Variants in RHOT1 observed in about 807,000 individuals in gnomAD.
RHOT1 encodes mitochondrial Rho GTPase 1.
A neutral mutation model predicts 95.3 loss-of-function variants in RHOT1; 27 were observed. The observed-to-expected ratio is 0.28, with a 90% CI of 0.21 to 0.39. The LOEUF (loss-of-function observed/expected upper bound fraction) is 0.39, where lower values mean the gene tolerates loss of function less well. Among genes scored for constraint, RHOT1 ranks in the 10% least tolerant of loss-of-function variants. RHOT1 has a pLI of 1.00. For missense variants in RHOT1, 578 were observed against 786.7 expected (o/e 0.73, Z 3.17); for synonymous variants, 227 against 263.5 (o/e 0.86, Z 1.34).
chr17:32,222,936 T>C (rs1404182555), intron 19 of RHOT1: 35 of 955,652 alleles, frequency 3.7e-5, no homozygotes, highest in Non-Finnish European at 4.4e-5. Context: ...TCGTTGGAGT[T>C]TTTCCAGCTT....
chr17:32,184,759 C>T (rs545984417), intron 8 of RHOT1, among the ~76,000 whole-genome samples: 1 of 152,204 alleles, frequency 6.6e-6, no homozygotes, highest in African/African-American at 2.4e-5. Context: ...CCACCTCTGC[C>T]TCCAAGAGTG....
chr17:32,208,507 C>T (rs2037911640), intron 18 of RHOT1, 198 bp downstream of exon 18: 2 of 572,306 alleles, frequency 3.5e-6, no homozygotes, highest in South Asian at 2.0e-5. Context: ...GTGCTTCTGA[C>T]AATATCTGTA....
chr17:32,189,736 CTTTTTTTT>C (rs71362807), intron 8 of RHOT1, among the ~76,000 whole-genome samples: 1 of 124,396 alleles, frequency 8.0e-6, no homozygotes, highest in Non-Finnish European at 1.7e-5. Context: ...CTTTTCTTTT[CTTTTTTTT>C]TTTTTTTTTT....
intron 6 of RHOT1, among the ~76,000 whole-genome samples, chr17:32,177,260 G>A (rs73286142): frequency 0.011 from 1,704 of 152,150 alleles, 33 homozygotes; most frequent in African/African-American, 0.038. Context: ...CTTGTTCCTC[G>A]GATACACTTA....
At chr17:32,207,254 C>T in intron 17 of RHOT1, 1 of 401,936 alleles carries the variant, frequency 2.5e-6, no homozygotes, top group Non-Finnish European at 4.4e-6. Flanking sequence ...GAGGTGCATT[C>T]CTGATTGAGA....
chr17:32,176,586 ATTTT>A lies in RHOT1; in HGVS notation c.329+374_329+377del, dbSNP rs1266054695. On this transcript the variant is annotated intron_variant, in intron 6 of 19. Coordinates refer to ENST00000545287, the MANE Select transcript of RHOT1 (RefSeq NM_001033566.3). ...TATTTATTTATTTATTTATTTATTT[ATTTT>A]GAGACAGAGTCTTGCTCTGTCGCCC... is the stretch of plus-strand genomic sequence containing the variant. Among the ~76,000 whole-genome samples, 1,095 of 140,980 alleles carry A rather than the reference ATTTT, an allele frequency of 7.8e-3. 11 individuals carry two copies. The highest frequency in any genetic ancestry group is 0.029 in the African/African-American group (1,025 of 35,720). The allele number at this position is 140,980 out of a possible 152,430, so 92.5% of individuals were successfully genotyped here.
chr17:32,151,356 GA>G, intron 1 of RHOT1: 2 of 614,846 alleles, frequency 3.3e-6, no homozygotes, highest in Non-Finnish European at 6.2e-6. Flanking sequence ...AGGCTGCAGT[GA>G]GCCAAGACTG....
intron 19 of RHOT1, among the ~76,000 whole-genome samples, chr17:32,223,190 G>C (rs1191276446): frequency 1.3e-5 from 2 of 151,638 alleles, no homozygotes; most frequent in Admixed American, 1.3e-4. Context: ...TGTTTCTAGG[G>C]ATGTACAGAC....
chr17:32,185,984 A>G (rs992906407), intron 8 of RHOT1, among the ~76,000 whole-genome samples: 11 of 152,008 alleles, frequency 7.2e-5, no homozygotes, highest in African/African-American at 2.4e-4. Context: ...AGCCTCTCAG[A>G]GTGCTGGCAT....
chr17:32,190,691 A>G (rs1043513062), intron 8 of RHOT1, among the ~76,000 whole-genome samples: 1 of 152,226 alleles, frequency 6.6e-6, no homozygotes, highest in Admixed American at 6.5e-5. Context: ...ACAGGATCAC[A>G]TTTATAGAAG....
At chr17:32,202,190 G>A (rs559460344) in intron 14 of RHOT1, among the ~76,000 whole-genome samples, 3 of 152,240 alleles carry the variant, frequency 2.0e-5, no homozygotes, top group South Asian at 2.1e-4. Context: ...GATTACACGC[G>A]TGAGCCACTG....
At chr17:32,160,178 G>C (rs1341153910) in intron 1 of RHOT1, 1 of 152,196 alleles carries the variant, frequency 6.6e-6, no homozygotes, top group Non-Finnish European at 1.5e-5. Context: ...GGGATGACCT[G>C]CCTGCAGAGA....
At position 32,206,959 on chromosome 17, in the gene RHOT1, G is replaced by T. The variant is rs564425799; in HGVS notation, c.1466G>T (p.Cys489Phe). The T allele has an allele frequency of 6.2e-7, 1 of 1,609,210 alleles. No homozygotes were observed. Among genetic ancestry groups the T allele is most frequent in the East Asian group, 2.2e-5 (1 of 44,794 alleles). Residue 489 changes from cysteine to phenylalanine, a missense_variant, in exon 17 of 20, where the codon TGT becomes TTT. Physicochemically the swap from Cys to Phe is radical, Grantham distance 205. Coordinates refer to ENST00000545287, the MANE Select transcript of RHOT1 (RefSeq NM_001033566.3). ...TTTCTAACTGAAGCTGAAATCATTT[G>T]TGATGTTGTATGCCTGGTATATGAT... Reference protein sequence around the residue: ...SEFLTEAEIICDVVCLVYDVS... With the variant: ...SEFLTEAEIIFDVVCLVYDVS...
At position 32,225,311 on chromosome 17, in the gene RHOT1, T is replaced by G. The variant is rs2039066721; in HGVS notation, c.*578T>G. 6.5e-6 allele frequency: 1 copy of G among 152,702 alleles called. No homozygotes were observed. The highest frequency in any genetic ancestry group is 6.5e-5 in the Admixed American group (1 of 15,282). 9.5% of individuals were successfully genotyped at this position (152,702 alleles called of 1,614,324 possible). ...AGCCATCGCACAGTCTAGAAACTTG[T>G]GTAGCTGAGTGTGCAGCTCACCTTT... On this transcript the variant is annotated 3_prime_UTR_variant, in exon 20 of 20. Coordinates refer to ENST00000545287, the MANE Select transcript of RHOT1 (RefSeq NM_001033566.3).
At position 32,192,192 on chromosome 17, in the gene RHOT1, G is replaced by T; in HGVS notation, c.541-9G>T. 7.9e-7 allele frequency: 1 copy of T among 1,263,070 alleles called. No individual in the cohort carries two copies. Among genetic ancestry groups the T allele is most frequent in the South Asian group, 1.3e-5 (1 of 75,884 alleles). The allele number at this position is 1,263,070 out of a possible 1,614,324, so 78.2% of individuals were successfully genotyped here. A position where few individuals can be genotyped will look rare whatever the true frequency, so the allele number is the denominator to read the frequency against. ...TTAAACAATTATTTCTTTTCTCAAT[G>T]ATTTATAGATGAAACCAGCTTGTAT... On this transcript the variant is annotated splice_polypyrimidine_tract_variant and intron_variant, in intron 8 of 19. Coordinates refer to ENST00000545287, the MANE Select transcript of RHOT1 (RefSeq NM_001033566.3).
At chr17:32,189,736 CTT>C (rs71362807) in intron 8 of RHOT1, among the ~76,000 whole-genome samples, 10 of 124,362 alleles carry the variant, frequency 8.0e-5, no homozygotes, top group East Asian at 2.2e-4. Flanking sequence ...CTTTTCTTTT[CTT>C]TTTTTTTTTT....
intron 8 of RHOT1, 65 bp from the exon 9 acceptor site, chr17:32,192,136 T>A (rs2036532355): frequency 6.1e-6 from 5 of 817,698 alleles, no homozygotes; most frequent in Non-Finnish European, 1.0e-5. Flanking sequence ...TAATCAGAAT[T>A]ATTCTCAGCA....
rs769483012 is a variant in RHOT1, at chr17:32,182,717, C to A, written c.330-40C>A. On this transcript the variant is annotated intron_variant, in intron 6 of 19. Coordinates refer to ENST00000545287, the MANE Select transcript of RHOT1 (RefSeq NM_001033566.3). ...ATAAATTAAAATATAAATTTAATGT[C>A]TTTTGCCTTCCTTATTACAATGTGC... 3 of 1,154,570 alleles carry A rather than the reference C, an allele frequency of 2.6e-6. No individual in the cohort carries two copies. In the South Asian group the frequency reaches 4.2e-5, roughly 16 times the overall value. 71.5% of individuals were successfully genotyped at this position (1,154,570 alleles called of 1,614,324 possible).
At chr17:32,157,715 A>T (rs2033104407) in intron 1 of RHOT1, among the ~76,000 whole-genome samples, 1 of 152,034 alleles carries the variant, frequency 6.6e-6, no homozygotes, top group Non-Finnish European at 1.5e-5. Flanking sequence ...GAGAGACAGG[A>T]GAATCAGCTT....
Sources: gnomAD v4.1 joint callset for allele counts (sites outside exome capture counted in the v4.1 genomes callset) on GRCh38, gnomAD v4.1.1 for gene constraint, MANE v1.5 for transcripts, NCBI Gene and HGNC (gene_info 2026-07-23, HGNC 2026-07-21) for gene names.